Variants in ZNF705A observed in about 807,000 individuals in gnomAD.
ZNF705A encodes zinc finger protein 705A.
Under a neutral mutation model 16.6 loss-of-function variants are expected in ZNF705A, and 8 were observed. The ratio of observed to expected loss-of-function variants is 0.48; its 90% CI spans 0.28 to 0.87. The LOEUF is 0.87. Ranked by LOEUF, ZNF705A falls within the 40% of genes least tolerant of loss-of-function variation. The pLI, the probability that ZNF705A is intolerant of heterozygous loss-of-function variation, is 0.10. For missense variants in ZNF705A, 233 were observed against 359.9 expected, an observed-to-expected ratio of 0.65 and a Z score of 2.85; for synonymous variants, 73 against 117.3, an observed-to-expected ratio of 0.62 and a Z score of 2.44.
At chr12:8,164,205 A>G (rs2120703886) in intron 1 of ZNF705A, among the ~76,000 whole-genome samples, 1 of 152,334 alleles carries the variant, frequency 6.6e-6, no homozygotes, top group Non-Finnish European at 1.5e-5. Flanking sequence ...TACGTGGTAT[A>G]TCTGAAACTT....
rs770125742 is a variant in ZNF705A, at chr12:8,175,344, C to T, written c.235+21C>T. 1.9e-3 allele frequency: 2,892 copies of T among 1,560,120 alleles called. 20 individuals carry two copies. In the African/African-American group the frequency reaches 0.035, roughly 19 times the overall value. ...TCCAGGTAAGCAACAGGGTCCTGTGCTCTAATAGGAGGAGGTGCTTTGTCA... is the reference window on the plus strand; with the variant it reads ...TCCAGGTAAGCAACAGGGTCCTGTGTTCTAATAGGAGGAGGTGCTTTGTCA... On this transcript the variant is annotated intron_variant, in intron 3 of 4. Transcript: ENST00000359286.
At chr12:8,168,970 C>T (rs1446441130), upstream of ZNF705A, 3 of 152,030 alleles carry the variant, frequency 2.0e-5, no homozygotes, top group African/African-American at 4.8e-5. Flanking sequence ...TGTATTGGTA[C>T]TTTTACGTAC....
At chr12:8,162,218 A>G (rs1948361822) in intron 1 of ZNF705A, among the ~76,000 whole-genome samples, 1 of 152,140 alleles carries the variant, frequency 6.6e-6, no homozygotes, top group South Asian at 2.1e-4. Flanking sequence ...AATAAAAGAG[A>G]AAAGGCATAA....
intron 1 of ZNF705A, among the ~76,000 whole-genome samples, chr12:8,162,662 G>C (rs1948365638): frequency 2.6e-5 from 4 of 152,074 alleles, no homozygotes; most frequent in African/African-American, 7.2e-5. Flanking sequence ...CTCCCACGGA[G>C]AGCAAGAAAA....
upstream of ZNF705A, among the ~76,000 whole-genome samples, chr12:8,170,309 C>T (rs369672333): frequency 1.3e-5 from 2 of 151,758 alleles, no homozygotes; most frequent in Non-Finnish European, 2.9e-5. Context: ...AAAAGTTTGT[C>T]AATACATTTT....
chr12:8,159,014 C>T (rs1459161115), intron 1 of ZNF705A, among the ~76,000 whole-genome samples: 1 of 152,084 alleles, frequency 6.6e-6, no homozygotes, highest in Non-Finnish European at 1.5e-5. Flanking sequence ...ATTCTTATGC[C>T]TTGTGTCCTC....
intron 1 of ZNF705A, among the ~76,000 whole-genome samples, chr12:8,159,303 A>T (rs1286190101): frequency 6.6e-6 from 1 of 152,106 alleles, no homozygotes; most frequent in African/African-American, 2.4e-5. Context: ...TTTTTGTATA[A>T]TGACTTCTTT....
chr12:8,177,084 T>C, exon 5 of ZNF705A: 5 of 1,611,646 alleles, frequency 3.1e-6, no homozygotes, highest in Non-Finnish European at 4.2e-6. Flanking sequence ...ACTCAGCGTT[T>C]GTTAACTCAC....
At chr12:8,169,105 T>C (rs1948423318), upstream of ZNF705A, among the ~76,000 whole-genome samples, 1 of 152,240 alleles carries the variant, frequency 6.6e-6, no homozygotes, top group Admixed American at 6.5e-5. Flanking sequence ...TTTAATTTAA[T>C]TTTATTTTAT....
intron 1 of ZNF705A, among the ~76,000 whole-genome samples, chr12:8,165,278 AT>A (rs36022408): frequency 0.016 from 1,514 of 94,444 alleles, 18 homozygotes; most frequent in African/African-American, 0.054. Flanking sequence ...ATCTTTGCCC[AT>A]TTTTTTTTTT....
At chr12:8,165,082 A>G (rs1948387025) in intron 1 of ZNF705A, among the ~76,000 whole-genome samples, 1 of 152,216 alleles carries the variant, frequency 6.6e-6, no homozygotes. Context: ...CAAGTATACA[A>G]GGGTTTTCTC....
exon 5 of ZNF705A, chr12:8,177,180 C>T (rs1392422979): frequency 8.1e-6 from 13 of 1,611,958 alleles, no homozygotes; most frequent in Non-Finnish European, 1.0e-5. Flanking sequence ...CAAATTCATA[C>T]TAAAGGTAAA....
intron 1 of ZNF705A, among the ~76,000 whole-genome samples, chr12:8,164,721 T>C (rs1168558496): frequency 6.6e-6 from 1 of 152,264 alleles, no homozygotes; most frequent in Non-Finnish European, 1.5e-5. Context: ...ACATTTTCTT[T>C]ATCCAGTCTG....
chr12:8,157,718 T>A (rs1352851228), intron 1 of ZNF705A, among the ~76,000 whole-genome samples: 1 of 152,182 alleles, frequency 6.6e-6, no homozygotes, highest in Non-Finnish European at 1.5e-5. Context: ...TACCACAAAA[T>A]ATATCCATTT....
intron 1 of ZNF705A, among the ~76,000 whole-genome samples, chr12:8,165,904 C>T (rs1263774846): frequency 1.3e-5 from 2 of 152,190 alleles, no homozygotes; most frequent in Admixed American, 6.5e-5. Context: ...TTTTCTCTAT[C>T]CACTCTAACA....
chr12:8,167,780 G>T (rs536077128), upstream of ZNF705A, among the ~76,000 whole-genome samples: 1 of 152,172 alleles, frequency 6.6e-6, no homozygotes, highest in Non-Finnish European at 1.5e-5. Context: ...GAAAGAACTC[G>T]ACTGAAGGGC....
intron 1 of ZNF705A, among the ~76,000 whole-genome samples, chr12:8,159,198 TC>T (rs1948333913): frequency 6.6e-6 from 1 of 152,198 alleles, no homozygotes; most frequent in Admixed American, 6.5e-5. Flanking sequence ...CACCACATTT[TC>T]TTTATCCACT....
chr12:8,166,481 T>C (rs1030939683), intron 1 of ZNF705A, among the ~76,000 whole-genome samples: 1 of 152,208 alleles, frequency 6.6e-6, no homozygotes, highest in African/African-American at 2.4e-5. Flanking sequence ...TTCTGATGGT[T>C]TGATAAGGGG....
chr12:8,171,035 T>C (rs1302498812), upstream of ZNF705A, among the ~76,000 whole-genome samples: 2 of 152,184 alleles, frequency 1.3e-5, no homozygotes, highest in Non-Finnish European at 2.9e-5. Context: ...TTAAAAGTAT[T>C]GCTGGGTCAT....
Sources: allele counts gnomAD v4.1 joint callset (sites outside exome capture counted in the v4.1 genomes callset), GRCh38; gene constraint gnomAD v4.1.1; transcripts MANE v1.5; gene names NCBI Gene and HGNC (gene_info 2026-07-23, HGNC 2026-07-21).